RAE1: variants seen among roughly 807,000 people sequenced by gnomAD.
The protein encoded by RAE1 is mRNA export factor RAE1.
In RAE1, 13 loss-of-function variants were observed where a neutral mutation model predicts 52.7. The observed-to-expected ratio is 0.25, with a 90% CI of 0.16 to 0.39. The LOEUF (loss-of-function observed/expected upper bound fraction) is 0.39, where lower values mean the gene tolerates loss of function less well. Ranked by LOEUF, RAE1 falls within the 10% of genes least tolerant of loss-of-function variation. The probability of loss-of-function intolerance (pLI) is 1.00; values close to 1 mark genes in which losing one functional copy is unlikely to be tolerated. For synonymous variants in RAE1, 164 were observed against 153.1 expected (o/e 1.07, Z -0.52); for missense variants, 262 against 459.8 (o/e 0.57, Z 3.93).
At chr20:57,365,329 T>G in intron 4 of RAE1, 27 bp from the exon 5 acceptor site, 3 of 1,540,568 alleles carry the variant, frequency 1.9e-6, no homozygotes, top group Non-Finnish European at 2.7e-6. Context: ...TTTCTTAAAA[T>G]GCAAAATTTT....
intron 4 of RAE1, 131 bp downstream of exon 4, chr20:57,356,669 A>G (rs1373868726): frequency 2.4e-6 from 2 of 819,018 alleles, no homozygotes. Flanking sequence ...GAACATAAAT[A>G]TAGTCATTTA....
intron 4 of RAE1, 37 bp downstream of exon 4, chr20:57,356,575 T>TA (rs1172874720): frequency 1.8e-5 from 28 of 1,522,950 alleles, no homozygotes; most frequent in Non-Finnish European, 2.4e-5. Flanking sequence ...CCATTTTACT[T>TA]AAAGTACAGA....
At chr20:57,359,297 A>T (rs2066854053) in intron 4 of RAE1, 1 of 279,314 alleles carries the variant, frequency 3.6e-6, no homozygotes, top group African/African-American at 2.2e-5. Flanking sequence ...TAATATTGGG[A>T]TGTTAACTGT....
Position 57,357,396 on chromosome 20 carries a change from G to A in RAE1, c.288+858G>A, listed in dbSNP as rs561673576. On this transcript the variant is annotated intron_variant, in intron 4 of 11. Coordinates refer to ENST00000395841, the MANE Select transcript of RAE1 (RefSeq NM_003610.4). ...TTTGCGCTCAGCATGTTGCATTAAC[G>A]TATGGTGATTGTTTTGTCAGATATA... 6 of 152,260 alleles carry A rather than the reference G, an allele frequency of 3.9e-5. No homozygotes were observed. In the East Asian group the frequency reaches 9.6e-4, roughly 24 times the overall value. The allele number at this position is 152,260 out of a possible 1,614,324, so 9.4% of individuals were successfully genotyped here.
chr20:57,352,189 T>C (rs908084062), intron 1 of RAE1, among the ~76,000 whole-genome samples: 6 of 152,174 alleles, frequency 3.9e-5, no homozygotes, highest in African/African-American at 1.4e-4. Flanking sequence ...ATTTCAACCA[T>C]TGAAAGTGTA....
intron 11 of RAE1, among the ~76,000 whole-genome samples, chr20:57,375,520 C>G (rs946784018): frequency 1.3e-5 from 2 of 152,118 alleles, no homozygotes; most frequent in Non-Finnish European, 2.9e-5. Flanking sequence ...TGCGCTGACC[C>G]CGTCTCCTTC....
At chr20:57,354,949 G>A (rs2066763132) in intron 3 of RAE1, 133 bp downstream of exon 3, 1 of 622,780 alleles carries the variant, frequency 1.6e-6, no homozygotes, top group African/African-American at 1.9e-5. Context: ...AATCAATTTA[G>A]GGGGTGTGAA....
intron 1 of RAE1, chr20:57,351,680 C>T (rs2066711377): frequency 4.1e-6 from 4 of 985,434 alleles, no homozygotes; most frequent in Non-Finnish European, 4.8e-6. Context: ...CAGTGTGTGT[C>T]GCCTCTGTCC....
At chr20:57,360,700 C>T (rs1400126519) in intron 4 of RAE1, among the ~76,000 whole-genome samples, 2 of 152,178 alleles carry the variant, frequency 1.3e-5, no homozygotes, top group African/African-American at 2.4e-5. Flanking sequence ...GCACTCTTTA[C>T]GCCAAGTTCT....
chr20:57,354,098 T>C lies in RAE1; in HGVS notation c.60T>C (p.Ser20=). Residue 20 remains serine, a synonymous_variant, in exon 2 of 12, where the codon AGT becomes AGC. Transcript: ENST00000395841. ...CCAGTGGGACCAGCATGTTTGGCAG[T>C]GCAACTACAGACAATCACAATCCCA... ...FGTSGTSMFG[S]ATTDNHNPMK... is the part of the protein sequence containing the mutation. The C allele has an allele frequency of 6.2e-7, 1 of 1,614,098 alleles. No individual in the cohort carries two copies. The highest frequency in any genetic ancestry group is 8.5e-7 in the Non-Finnish European group (1 of 1,179,952).
At chr20:57,356,643 G>T in intron 4 of RAE1, 105 bp downstream of exon 4, 3 of 1,021,770 alleles carry the variant, frequency 2.9e-6, no homozygotes, top group South Asian at 2.1e-5. Flanking sequence ...TCATATTGTA[G>T]GAATTCTAAG....
chr20:57,356,591 T>G (rs1449148403), intron 4 of RAE1, 53 bp downstream of exon 4: 31 of 1,445,768 alleles, frequency 2.1e-5, no homozygotes, highest in Non-Finnish European at 2.8e-5. Context: ...ACAGAATGAT[T>G]TAGAATATTT....
intron 5 of RAE1, among the ~76,000 whole-genome samples, chr20:57,366,345 G>A (rs1327005741): frequency 6.6e-6 from 1 of 152,194 alleles, no homozygotes; most frequent in East Asian, 1.9e-4. Flanking sequence ...AAGAAATTTA[G>A]TTTGCTCATG....
At chr20:57,361,468 T>A (rs1395261256) in intron 4 of RAE1, among the ~76,000 whole-genome samples, 6 of 152,184 alleles carry the variant, frequency 3.9e-5, no homozygotes. Flanking sequence ...AAAGGTATGT[T>A]TACCTAGGTT....
intron 11 of RAE1, among the ~76,000 whole-genome samples, chr20:57,375,896 C>T (rs1318942828): frequency 6.6e-6 from 1 of 152,226 alleles, no homozygotes; most frequent in African/African-American, 2.4e-5. Flanking sequence ...GCTGTGGTTC[C>T]TGTCCTCCTG....
intron 8 of RAE1, chr20:57,371,811 G>A (rs537320964): frequency 6.6e-6 from 1 of 152,356 alleles, no homozygotes; most frequent in South Asian, 2.1e-4. Flanking sequence ...AGAAAATGAA[G>A]TGTATACCTG....
At chr20:57,365,122 G>C (rs1568786667) in intron 4 of RAE1, among the ~76,000 whole-genome samples, 1 of 152,162 alleles carries the variant, frequency 6.6e-6, no homozygotes. Context: ...TGTGATTTCT[G>C]ATTTTTAAAA....
chr20:57,355,416 A>C (rs2066770494), intron 3 of RAE1, among the ~76,000 whole-genome samples: 1 of 152,218 alleles, frequency 6.6e-6, no homozygotes. Flanking sequence ...TAAAAGTTTA[A>C]AAGAATAATA....
At chr20:57,367,559 A>G (rs948890516) in intron 7 of RAE1, among the ~76,000 whole-genome samples, 1 of 152,048 alleles carries the variant, frequency 6.6e-6, no homozygotes, top group African/African-American at 2.4e-5. Flanking sequence ...CCTGGCCAAC[A>G]TGGTGAAACC....
Sources: allele counts gnomAD v4.1 joint callset (sites outside exome capture counted in the v4.1 genomes callset), GRCh38; gene constraint gnomAD v4.1.1; transcripts MANE v1.5; gene names NCBI Gene and HGNC (gene_info 2026-07-23, HGNC 2026-07-21).